Variants in ZNF76 observed in about 807,000 individuals in gnomAD.
ZNF76 encodes zinc finger protein 76, also known as zinc finger protein 523.
In ZNF76, 66 loss-of-function variants were observed where a neutral mutation model predicts 66.9. The observed-to-expected ratio is 0.99, with a 90% CI of 0.81 to 1.21. The LOEUF (loss-of-function observed/expected upper bound fraction) is 1.21, where lower values mean the gene tolerates loss of function less well. Ranked by LOEUF, ZNF76 falls within the 50% of genes most tolerant of loss-of-function variation. The pLI, the probability that ZNF76 is intolerant of heterozygous loss-of-function variation, is 0.00. For missense variants in ZNF76, 729 were observed against 760.3 expected (o/e 0.96, Z 0.48); for synonymous variants, 275 against 296.1 (o/e 0.93, Z 0.73).
In ZNF76 at chr6:35,287,746, G is replaced by A; in HGVS notation, c.333G>A (p.Leu111=). ...PVAVPSESTI[L]AVQTEVGLED... is the part of the protein sequence containing the mutation. ...CTGTGCCATCGGAGAGCACCATCCT[G>A]GCCGTACAGACAGAGGTGGGCTTGG... Residue 111 remains leucine (L), a synonymous_variant, in exon 5 of 14, where the codon CTG becomes CTA. Transcript: ENST00000373953. The surrounding 1 kb of genome is among the most constrained non-coding windows in gnomAD (Gnocchi z 4.0). 6.2e-7 allele frequency: 1 copy of A among 1,614,230 alleles called. No individual in the cohort carries two copies. Among genetic ancestry groups the A allele is most frequent in the Non-Finnish European group, 8.5e-7 (1 of 1,180,052 alleles).
rs1790485594 is a variant in ZNF76 at position 35,292,136 on chromosome 6, A to C, written c.931+399A>C. On this transcript the variant is annotated intron_variant, in intron 9 of 13. Transcript: ENST00000373953. This position sits in a 1 kb window ranked among gnomAD's most constrained non-coding sequence, Gnocchi z 4.7. ...ACTCCTGTGTATCCTCACCCTCCCC[A>C]GTGTTATGCCCCTCATCCAGCTTTC... 5.0e-6 allele frequency: 2 copies of C among 401,320 alleles called. No individual in the cohort carries two copies. The highest frequency in any genetic ancestry group is 3.7e-5 in the Admixed American group (1 of 26,912). 24.9% of individuals were successfully genotyped at this position (401,320 alleles called of 1,614,324 possible). A position where few individuals can be genotyped will look rare whatever the true frequency, so the allele number is the denominator to read the frequency against.
In ZNF76 at chr6:35,291,362, A is replaced by G; in HGVS notation, c.710A>G (p.Lys237Arg). The change falls in exon 8 of 14, where the codon AAG (lysine) becomes AGG (arginine). Residue 237 changes from lysine (K) to arginine (R), a missense_variant. Transcript: ENST00000373953. ...CPEELCSKAF[K>R]TSGDLQKHVR... The stretch of plus-strand genomic sequence containing the variant: ...GAGGAGCTGTGCAGCAAGGCCTTCA[A>G]GACCTCAGGAGACCTGCAGAAGCAT... 4.3e-6 allele frequency: 7 copies of G among 1,614,112 alleles called. No individual in the cohort carries two copies. Among genetic ancestry groups the G allele is most frequent in the Non-Finnish European group, 5.9e-6 (7 of 1,179,990 alleles).
At chr6:35,290,452 T>C in intron 6 of ZNF76, 70 bp downstream of exon 6, 2 of 1,594,922 alleles carry the variant, frequency 1.3e-6, no homozygotes, top group South Asian at 2.2e-5. Flanking sequence ...ACCTTTCTGC[T>C]TTGATTGGAA....
Position 35,292,757 on chromosome 6 carries a change from C to T in ZNF76, c.1135C>T (p.Gln379Ter). Reference sequence around the variant, plus strand: ...GCTGGAGGCCACGGAGGAGAGCGAGCAGGCCCTCTATGAGCAGCAGCAACT... The same window carrying T: ...GCTGGAGGCCACGGAGGAGAGCGAGTAGGCCCTCTATGAGCAGCAGCAACT... ...GELEATEESE[Q>*]ALYEQQQLEA... is the part of the protein sequence containing the mutation. The change falls in exon 10 of 14, where the codon CAG becomes TAG. Residue 379 changes from glutamine (Q) to a stop codon, truncating the protein, a stop_gained. Coordinates refer to ENST00000373953, the MANE Select transcript of ZNF76 (RefSeq NM_003427.5). LOFTEE classifies it high-confidence loss of function. This position sits in a 1 kb window ranked among gnomAD's most constrained non-coding sequence, Gnocchi z 4.7. 6.2e-7 allele frequency: 1 copy of T among 1,614,008 alleles called. No individual in the cohort carries two copies. Among genetic ancestry groups the T allele is most frequent in the African/African-American group, 1.3e-5 (1 of 75,042 alleles).
chr6:35,288,699 G>A lies in ZNF76; in HGVS notation c.432+854G>A, dbSNP rs2006185. On this transcript the variant is annotated intron_variant, in intron 5 of 13. Coordinates refer to ENST00000373953, the MANE Select transcript of ZNF76 (RefSeq NM_003427.5). ...AGGCCGGGAGCAGAGGCTCACGCCT[G>A]TAATCCCAGCACTTTGGGAGGCTGA... Among the ~76,000 whole-genome samples, 1,354 of 152,354 alleles carry A rather than the reference G, an allele frequency of 8.9e-3. 7 individuals are homozygous for A. Among genetic ancestry groups the A allele is most frequent in the African/African-American group, 0.026 (1,068 of 41,582 alleles).
chr6:35,290,536 C>T lies in ZNF76; in HGVS notation c.550-105C>T, dbSNP rs80220714. 1.4e-3 allele frequency: 2,115 copies of T among 1,519,396 alleles called. 31 individuals are homozygous for T. The African/African-American group carries it at 0.026, about 19-fold the overall frequency. The allele number at this position is 1,519,396 out of a possible 1,614,324, so 94.1% of individuals were successfully genotyped here. A position where few individuals can be genotyped will look rare whatever the true frequency, so the allele number is the denominator to read the frequency against. ...GAATGCCAGCACAGAGCGCTTGACA[C>T]ACATGAATGGTACAGGAGGGAAGAG... On this transcript the variant is annotated intron_variant, in intron 6 of 13. Coordinates refer to ENST00000373953, the MANE Select transcript of ZNF76 (RefSeq NM_003427.5).
rs377140931 is a variant in ZNF76 at position 35,293,456 on chromosome 6, G to C, written c.1330-295G>C. On this transcript the variant is annotated intron_variant, in intron 11 of 13. Transcript: ENST00000373953. ...CCCTTGTCCGTACCCTTGCTAGAAA[G>C]TACATCTGTGCTTTCTAGAGTTGTT... is the stretch of plus-strand genomic sequence containing the variant. Among the ~76,000 whole-genome samples, 45 of 152,320 alleles carry C rather than the reference G, an allele frequency of 3.0e-4. No homozygotes were observed. In the East Asian group the frequency reaches 8.7e-3, roughly 29 times the overall value.
At chr6:35,294,705 C>G in intron 13 of ZNF76, 136 bp downstream of exon 13, 1 of 717,634 alleles carries the variant, frequency 1.4e-6, no homozygotes, top group Non-Finnish European at 2.5e-6. Flanking sequence ...AGATCCCTTT[C>G]CTCCTGCATC....
chr6:35,290,039 C>A (rs1397528989), intron 5 of ZNF76, among the ~76,000 whole-genome samples: 1 of 152,180 alleles, frequency 6.6e-6, no homozygotes, highest in Non-Finnish European at 1.5e-5. Context: ...ACCTGTAGGT[C>A]TCCCTTTATC....
chr6:35,280,123 A>G (rs1325447614), intron 1 of ZNF76, among the ~76,000 whole-genome samples: 1 of 151,200 alleles, frequency 6.6e-6, no homozygotes, highest in Non-Finnish European at 1.5e-5. Flanking sequence ...GAGCCACTAC[A>G]CCCCGCCCAT....
At chr6:35,293,940 G>C in intron 12 of ZNF76, 25 bp downstream of exon 12, 1 of 1,610,830 alleles carries the variant, frequency 6.2e-7, no homozygotes, top group African/African-American at 1.3e-5. Context: ...TTTGCTTGGG[G>C]TTTCTTATTT....
At chr6:35,273,440 T>TG (rs990253185) in intron 1 of ZNF76, among the ~76,000 whole-genome samples, 1 of 151,552 alleles carries the variant, frequency 6.6e-6, no homozygotes, top group African/African-American at 2.4e-5. Context: ...CCCAGTGTGC[T>TG]GGGGTTATAG....
At position 35,295,127 on chromosome 6, in the gene ZNF76, C is replaced by T. The variant is rs1357881872; in HGVS notation, c.1609-17C>T. The T allele has an allele frequency of 4.4e-6, 7 of 1,599,206 alleles. No homozygotes were observed. The highest frequency in any genetic ancestry group is 2.2e-5 in the East Asian group (1 of 44,456). ...GGGTCTCACTGTCTCCTTCCTTCTG[C>T]ACCCCCTTCCCCACAGCTGGAGGAA... On this transcript the variant is annotated splice_polypyrimidine_tract_variant and intron_variant, in intron 13 of 13. Transcript: ENST00000373953.
chr6:35,288,117 G>A, intron 5 of ZNF76: 1 of 638,552 alleles, frequency 1.6e-6, no homozygotes, highest in Non-Finnish European at 2.9e-6. Context: ...CAGAGGGAAA[G>A]CTGCCATAAG....
chr6:35,290,429 A>G (rs1487312207), intron 6 of ZNF76, 47 bp downstream of exon 6: 5 of 1,604,210 alleles, frequency 3.1e-6, no homozygotes, highest in Non-Finnish European at 4.3e-6. Context: ...CTTCCCTCCC[A>G]GGCTGTAATT....
Position 35,290,716 on chromosome 6 carries a change from G to C in ZNF76, c.625G>C (p.Gly209Arg), listed in dbSNP as rs142403967. Residue 209 changes from glycine to arginine, a missense_variant and splice_region_variant, in exon 7 of 14, where the codon GGC becomes CGC. Gly to Arg is a moderately radical substitution (Grantham distance 125). Coordinates refer to ENST00000373953, the MANE Select transcript of ZNF76 (RefSeq NM_003427.5). ...FPSCGKAFAT[G>R]YGLKSHVRTH... The stretch of plus-strand genomic sequence containing the variant: ...CAGCTGTGGAAAGGCCTTTGCCACA[G>C]GTAACCTGCCTGGTGGGCTGCTTCC... The C allele has an allele frequency of 3.1e-6, 5 of 1,614,022 alleles. No homozygotes were observed. The highest frequency in any genetic ancestry group is 4.2e-6 in the Non-Finnish European group (5 of 1,179,994).
intron 1 of ZNF76, among the ~76,000 whole-genome samples, chr6:35,278,356 C>T (rs532300627): frequency 1.6e-3 from 240 of 152,220 alleles, no homozygotes; most frequent in Non-Finnish European, 2.7e-3. Context: ...TTAGTAGAGA[C>T]GGGGCTTCTC....
rs1012874320 is a variant in ZNF76 at position 35,292,448 on chromosome 6, C to G, written c.932-106C>G. 2 of 1,164,588 alleles carry G rather than the reference C, an allele frequency of 1.7e-6. No homozygotes were observed. The highest frequency in any genetic ancestry group is 2.5e-6 in the Non-Finnish European group (2 of 800,436). 72.1% of individuals were successfully genotyped at this position (1,164,588 alleles called of 1,614,324 possible). A position where few individuals can be genotyped will look rare whatever the true frequency, so the allele number is the denominator to read the frequency against. ...AGAGTCTCAGGTCTCAGTCCCTCTCCCTCCCTCTGGCTCTCCCTTCACCAA... is the reference window on the plus strand; with the variant it reads ...AGAGTCTCAGGTCTCAGTCCCTCTCGCTCCCTCTGGCTCTCCCTTCACCAA... On this transcript the variant is annotated intron_variant, in intron 9 of 13. Coordinates refer to ENST00000373953, the MANE Select transcript of ZNF76 (RefSeq NM_003427.5). This position sits in a 1 kb window ranked among gnomAD's most constrained non-coding sequence, Gnocchi z 4.7.
chr6:35,272,159 C>G (rs1582063500), intron 1 of ZNF76, among the ~76,000 whole-genome samples: 2 of 151,704 alleles, frequency 1.3e-5, no homozygotes, highest in Admixed American at 1.3e-4. Flanking sequence ...AAAATATATC[C>G]ACCAGGCAAG....
Sources: gnomAD v4.1 joint callset for allele counts (sites outside exome capture counted in the v4.1 genomes callset) on GRCh38, gnomAD v4.1.1 for gene constraint, Gnocchi (gnomAD v3.1) non-coding constraint, MANE v1.5 for transcripts, NCBI Gene and HGNC (gene_info 2026-07-23, HGNC 2026-07-21) for gene names.